The following VPS13B variants were observed in gnomAD, a reference collection of about 807,000 sequenced individuals.
VPS13B encodes the protein vacuolar protein sorting 13 homolog B.
In VPS13B, 285 loss-of-function variants were observed where a neutral mutation model predicts 426.4. The observed-to-expected ratio is 0.67, with a 90% CI of 0.61 to 0.74. VPS13B has a LOEUF of 0.74. VPS13B is among the 30% of genes least tolerant of loss of function. VPS13B has a pLI of 0.00. For missense variants in VPS13B, 4,537 were observed against 4,782.6 expected, an observed-to-expected ratio of 0.95 and a Z score of 1.51; for synonymous variants, 1,676 against 1,676.4, an observed-to-expected ratio of 1.00 and a Z score of 0.01.
intron 39 of VPS13B, among the ~76,000 whole-genome samples, chr8:99,766,147 G>A (rs952567926): frequency 1.6e-5 from 2 of 127,094 alleles, no homozygotes; most frequent in South Asian, 2.7e-4. Flanking sequence ...TGGTGTGACC[G>A]CTGCTCACTG....
intron 54 of VPS13B, among the ~76,000 whole-genome samples, chr8:99,842,475 C>T (rs534441947): frequency 2.6e-5 from 4 of 151,758 alleles, no homozygotes; most frequent in African/African-American, 4.8e-5. Context: ...AATCACCAAG[C>T]GTGGTGGTGC....
intron 29 of VPS13B, among the ~76,000 whole-genome samples, chr8:99,516,787 C>CAAAAAAA (rs528490868): frequency 4.2e-4 from 7 of 16,708 alleles, no homozygotes; most frequent in Admixed American, 7.4e-4. Context: ...GACCGTGTCT[C>CAAAAAAA]AAAAAAAAAA....
chr8:99,451,087 C>G (rs1289400280), intron 23 of VPS13B, among the ~76,000 whole-genome samples: 1 of 152,138 alleles, frequency 6.6e-6, no homozygotes, highest in Non-Finnish European at 1.5e-5. Context: ...TTTATACCTT[C>G]AAATTTTTTT....
intron 2 of VPS13B, among the ~76,000 whole-genome samples, chr8:99,032,791 C>T (rs1379824945): frequency 2.0e-5 from 3 of 151,892 alleles, no homozygotes; most frequent in African/African-American, 7.3e-5. Context: ...CCACCTGCCT[C>T]AGCCTCCCAA....
At chr8:99,397,872 C>A (rs762367002) in intron 21 of VPS13B, among the ~76,000 whole-genome samples, 21 of 152,140 alleles carry the variant, frequency 1.4e-4, no homozygotes, top group Non-Finnish European at 2.9e-4. Context: ...GTTACATGGT[C>A]CTGTCTAACT....
intron 37 of VPS13B, among the ~76,000 whole-genome samples, chr8:99,720,006 A>T (rs1482032743): frequency 6.6e-6 from 1 of 152,132 alleles, no homozygotes; most frequent in East Asian, 1.9e-4. Context: ...GGCCTAGAGG[A>T]TCTTCATTGC....
chr8:99,620,655 A>G (rs1210524733), intron 33 of VPS13B, among the ~76,000 whole-genome samples: 1 of 152,082 alleles, frequency 6.6e-6, no homozygotes, highest in Non-Finnish European at 1.5e-5. Flanking sequence ...CTCTCAGTAA[A>G]TAATTATGGC....
intron 35 of VPS13B, among the ~76,000 whole-genome samples, chr8:99,685,891 G>A (rs1831374871): frequency 6.6e-6 from 1 of 152,164 alleles, no homozygotes; most frequent in Admixed American, 6.5e-5. Flanking sequence ...TTGCCTGGAT[G>A]GTTTTCATGC....
At chr8:99,337,750 GTGATTAGTGCTTTTA>G (rs1250035367) in intron 19 of VPS13B, among the ~76,000 whole-genome samples, 1 of 151,958 alleles carries the variant, frequency 6.6e-6, no homozygotes. Context: ...CAATTTTTTA[GTGATTAGTGCTTTTA>G]TGATTAGTGC....
At chr8:99,378,179 T>G (rs927985255) in intron 19 of VPS13B, among the ~76,000 whole-genome samples, 1 of 141,092 alleles carries the variant, frequency 7.1e-6, no homozygotes, top group African/African-American at 2.6e-5. Flanking sequence ...CTGTTAATTA[T>G]TAATATTCCT....
chr8:99,744,877 G>A lies in VPS13B; in HGVS notation c.7051-21897G>A, dbSNP rs531995970. ...GGAGATACACCCAATGTTAAATGAC[G>A]AGTTAATGGGTGCAGCACACCAACA... On this transcript the variant is annotated intron_variant, in intron 39 of 61. Transcript: ENST00000357162. 9.1e-3 allele frequency among the ~76,000 whole-genome samples: 1,387 copies of A among 152,008 alleles called. 17 individuals carry two copies. Among genetic ancestry groups the A allele is most frequent in the African/African-American group, 0.031 (1,297 of 41,440 alleles).
intron 33 of VPS13B, among the ~76,000 whole-genome samples, chr8:99,620,809 T>TAAAAAAAAAA (rs769886969): frequency 7.0e-6 from 1 of 142,694 alleles, no homozygotes; most frequent in Non-Finnish European, 1.5e-5. Flanking sequence ...CTGTCTCTAC[T>TAAAAAAAAAA]AAAAAAAAAA....
At chr8:99,556,202 G>A (rs369605194) in intron 30 of VPS13B, among the ~76,000 whole-genome samples, 37 of 152,172 alleles carry the variant, frequency 2.4e-4, no homozygotes, top group African/African-American at 7.9e-4. Context: ...AAAGAGTAAC[G>A]TGCCAGGAAT....
intron 21 of VPS13B, among the ~76,000 whole-genome samples, chr8:99,395,989 A>G (rs993553752): frequency 1.1e-4 from 17 of 152,202 alleles, no homozygotes; most frequent in Admixed American, 9.8e-4. Flanking sequence ...AGTAGTAGAT[A>G]TTGCAAGAAA....
chr8:99,838,790 C>A (rs535976572), intron 54 of VPS13B, among the ~76,000 whole-genome samples: 2 of 152,196 alleles, frequency 1.3e-5, no homozygotes, highest in Non-Finnish European at 2.9e-5. Context: ...GTGTCTCTTA[C>A]TGAGAGACCT....
intron 3 of VPS13B, among the ~76,000 whole-genome samples, chr8:99,061,296 C>A (rs199885835): frequency 8.9e-6 from 1 of 112,948 alleles, no homozygotes; most frequent in South Asian, 2.9e-4. Flanking sequence ...TGCTAATTTT[C>A]TTTTTTTTTT....
In VPS13B at chr8:99,817,608, G is replaced by T; in HGVS notation, c.8166G>T (p.Gln2722His). 6.2e-7 allele frequency: 1 copy of T among 1,614,022 alleles called. No individual in the cohort carries two copies. The highest frequency in any genetic ancestry group is 8.5e-7 in the Non-Finnish European group (1 of 1,179,962). ...LSQSIELKVVQHYIGQDGQAV... is the reference protein window; with the variant it reads ...LSQSIELKVVHHYIGQDGQAV... The stretch of plus-strand genomic sequence containing the variant: ...AAAGCATAGAACTAAAAGTCGTTCA[G>T]CATTACATTGGTCAAGATGGACAAG... The change falls in exon 45 of 62, where the codon CAG (glutamine) becomes CAT (histidine). Residue 2722 changes from glutamine to histidine, a missense_variant. Transcript: ENST00000357162.
At chr8:99,521,507 C>T (rs769583482) in intron 30 of VPS13B, among the ~76,000 whole-genome samples, 15 of 152,322 alleles carry the variant, frequency 9.8e-5, no homozygotes, top group Non-Finnish European at 1.9e-4. Flanking sequence ...ATGCTATGCT[C>T]TGGATTTTGT....
chr8:99,044,084 C>CTTTTTTTTTTTTTTTTTTTTTTTTTT (rs5893476), intron 3 of VPS13B, among the ~76,000 whole-genome samples: 30 of 98,930 alleles, frequency 3.0e-4, no homozygotes, highest in Non-Finnish European at 5.0e-4. Flanking sequence ...TTCTTTCTTT[C>CTTTTTTTTTTTTTTTTTTTTTTTTTT]TTTTTTTTTT....
Sources: gnomAD v4.1 joint callset for allele counts (sites outside exome capture counted in the v4.1 genomes callset) on GRCh38, gnomAD v4.1.1 for gene constraint, MANE v1.5 for transcripts, NCBI Gene and HGNC (gene_info 2026-07-23, HGNC 2026-07-21) for gene names.